RNF19A: variants seen among roughly 807,000 people sequenced by gnomAD.
RNF19A encodes the protein ring finger protein 19A, RBR E3 ubiquitin protein ligase.
RNF19A carries 32 observed loss-of-function variants against 75.7 expected under a neutral mutation model. The ratio of observed to expected loss-of-function variants is 0.42; its 90% CI spans 0.32 to 0.57. The LOEUF (loss-of-function observed/expected upper bound fraction) is 0.57, where lower values mean the gene tolerates loss of function less well. Ranked by LOEUF, RNF19A falls within the 20% of genes least tolerant of loss-of-function variation. The pLI, the probability that RNF19A is intolerant of heterozygous loss-of-function variation, is 0.10. For missense variants in RNF19A, 782 were observed against 1,036.3 expected, an observed-to-expected ratio of 0.75 and a Z score of 3.37; for synonymous variants, 335 against 345.2, an observed-to-expected ratio of 0.97 and a Z score of 0.33.
At chr8:100,290,515 C>T (rs760005660) in intron 1 of RNF19A, among the ~76,000 whole-genome samples, 20 of 152,092 alleles carry the variant, frequency 1.3e-4, no homozygotes, top group Admixed American at 6.5e-4. Context: ...GTGTTTTTTT[C>T]CTCCTATGGC....
Position 100,278,493 on chromosome 8 carries a change from C to CTT in RNF19A, c.675-3333_675-3332insAA, listed in dbSNP as rs541041765. Reference sequence around the variant, plus strand: ...TAAAATGCTATAATCTTTGTGATGACTGTAAAAGCCAAATTTAGGTACATG... The same window carrying CTT: ...TAAAATGCTATAATCTTTGTGATGACTTTGTAAAAGCCAAATTTAGGTACATG... On this transcript the variant is annotated intron_variant, in intron 2 of 9. Transcript: ENST00000341084. Among the ~76,000 whole-genome samples the CTT allele has an allele frequency of 1.6e-4, 24 of 152,184 alleles. No homozygotes were observed. In the East Asian group the frequency reaches 4.4e-3, roughly 28 times the overall value.
rs929697483 is a variant in RNF19A at position 100,287,634 on chromosome 8, C to T, written c.541G>A (p.Glu181Lys). The part of the protein sequence containing the change: ...RVNISCPECT[E>K]RFNPHDIRLI... ...CGAATATCATGGGGATTAAACCGTT[C>T]AGTACATTCTGGGCAACTAATATTA... The change falls in exon 2 of 10, where the codon GAA becomes AAA. Residue 181 changes from glutamate to lysine, a missense_variant. By Grantham distance (56) the Glu-to-Lys change is moderately conservative. Transcript: ENST00000341084. This position sits in a 1 kb window ranked among gnomAD's most constrained non-coding sequence, Gnocchi z 4.1. 1 of 1,614,088 alleles carries T rather than the reference C, an allele frequency of 6.2e-7. No homozygotes were observed. The highest frequency in any genetic ancestry group is 8.5e-7 in the Non-Finnish European group (1 of 1,179,994).
At position 100,333,330 on chromosome 8, in the gene RNF19A, T is replaced by C. The variant is rs1822633912; in HGVS notation, c.-243+2778A>G. On this transcript the variant is annotated intron_variant, in intron 1 of 3. Transcript: ENST00000519527. The surrounding 1 kb of genome is among the most constrained non-coding windows in gnomAD (Gnocchi z 4.7). ...AACAATTACCCAGTCTGAGGTATTA[T>C]ATTATAGCAGCACAAAATGGACTAA... 6.6e-6 allele frequency among the ~76,000 whole-genome samples: 1 copy of C among 152,232 alleles called. No individual in the cohort carries two copies. Among genetic ancestry groups the C allele is most frequent in the Non-Finnish European group, 1.5e-5 (1 of 68,048 alleles).
In RNF19A at chr8:100,260,045, T is replaced by A; in HGVS notation, c.1683-48A>T. 1 of 1,478,572 alleles carries A rather than the reference T, an allele frequency of 6.8e-7. No homozygotes were observed. The highest frequency in any genetic ancestry group is 9.4e-7 in the Non-Finnish European group (1 of 1,062,224). 91.6% of individuals were successfully genotyped at this position (1,478,572 alleles called of 1,614,324 possible). A position where few individuals can be genotyped will look rare whatever the true frequency, so the allele number is the denominator to read the frequency against. On this transcript the variant is annotated intron_variant, in intron 8 of 9. Coordinates refer to ENST00000341084, the MANE Select transcript of RNF19A (RefSeq NM_183419.4). The surrounding 1 kb of genome is among the most constrained non-coding windows in gnomAD (Gnocchi z 4.1). The stretch of plus-strand genomic sequence containing the variant: ...CCAAAATTATATTTAATATCAGCAC[T>A]ACTGTAATATGTATCTTTAAATAAT...
At position 100,264,774 on chromosome 8, in the gene RNF19A, G is replaced by A. The variant is rs1819892396; in HGVS notation, c.1203C>T (p.Arg401=). Reference sequence around the variant, plus strand: ...GCTTTGAAACATCCTTGCCTTCATAGCGATTGTGAATCTTGAATTAATAAA... The same window carrying A: ...GCTTTGAAACATCCTTGCCTTCATAACGATTGTGAATCTTGAATTAATAAA... The part of the protein sequence containing the change: ...PVYVGRKIHN[R]YEGKDVSKHK... The change falls in exon 6 of 10, where the codon CGC becomes CGT. Residue 401 remains arginine (R), a synonymous_variant. Coordinates refer to ENST00000341084, the MANE Select transcript of RNF19A (RefSeq NM_183419.4). This position sits in a 1 kb window ranked among gnomAD's most constrained non-coding sequence, Gnocchi z 4.7. 5 of 1,612,378 alleles carry A rather than the reference G, an allele frequency of 3.1e-6. No individual in the cohort carries two copies. Among genetic ancestry groups the A allele is most frequent in the Non-Finnish European group, 4.2e-6 (5 of 1,178,614 alleles).
intron 2 of RNF19A, among the ~76,000 whole-genome samples, chr8:100,282,508 T>C: frequency 6.7e-6 from 1 of 149,944 alleles, no homozygotes; most frequent in Non-Finnish European, 1.5e-5. Flanking sequence ...AGCTATTAAC[T>C]CTTATAATAT....
intron 1 of RNF19A, among the ~76,000 whole-genome samples, chr8:100,295,481 T>A (rs1821512165): frequency 6.6e-6 from 1 of 152,170 alleles, no homozygotes; most frequent in Admixed American, 6.5e-5. Flanking sequence ...TATTAGCAGA[T>A]AAAAGGTGGG....
At chr8:100,319,222 G>A (rs1291525317) in intron 1 of RNF19A, among the ~76,000 whole-genome samples, 3 of 152,066 alleles carry the variant, frequency 2.0e-5, no homozygotes, top group South Asian at 4.1e-4. Flanking sequence ...AAATTTGTAA[G>A]CTAAAATTTT....
At chr8:100,292,056 T>C (rs1821323534) in intron 1 of RNF19A, among the ~76,000 whole-genome samples, 1 of 146,594 alleles carries the variant, frequency 6.8e-6, no homozygotes, top group African/African-American at 2.5e-5. Context: ...ACTTGGTCAC[T>C]ACAGAAGCTT....
intron 1 of RNF19A, among the ~76,000 whole-genome samples, chr8:100,328,941 G>T (rs1231488762): frequency 1.3e-5 from 2 of 152,170 alleles, no homozygotes; most frequent in Non-Finnish European, 2.9e-5. Flanking sequence ...AAGGGCTTCA[G>T]TTCCACTAAG....
chr8:100,259,980 T>A lies in RNF19A; in HGVS notation c.1700A>T (p.Asp567Val). 6.2e-7 allele frequency: 1 copy of A among 1,613,810 alleles called. No individual in the cohort carries two copies. The highest frequency in any genetic ancestry group is 8.5e-7 in the Non-Finnish European group (1 of 1,179,792). ...TAGACTGTACCGTTCTTTCTGTACA[T>A]CTGCTTGTACTTCCAACCTTAAAGG... ...NCFNRLEVQA[D>V]VQKERYSLSG... The change falls in exon 9 of 10, where the codon GAT (aspartate) becomes GTT (valine). Residue 567 changes from aspartate to valine, a missense_variant. Transcript: ENST00000341084. The surrounding 1 kb of genome is among the most constrained non-coding windows in gnomAD (Gnocchi z 4.5).
chr8:100,272,717 T>G (rs905853654), intron 3 of RNF19A, among the ~76,000 whole-genome samples: 5 of 151,312 alleles, frequency 3.3e-5, no homozygotes, highest in Non-Finnish European at 7.4e-5. Flanking sequence ...CTAATTTTTG[T>G]ATTTTTAGTA....
At chr8:100,327,206 TG>T (rs1822545386) in intron 1 of RNF19A, among the ~76,000 whole-genome samples, 1 of 151,936 alleles carries the variant, frequency 6.6e-6, no homozygotes, top group African/African-American at 2.4e-5. Context: ...GAAGAGTGTT[TG>T]AGTATCTAGG....
chr8:100,317,528 C>A lies in RNF19A; in HGVS notation c.-242-4156G>T, dbSNP rs1822401747. On this transcript the variant is annotated intron_variant, in intron 1 of 3. Coordinates refer to the RNF19A transcript ENST00000519527. The surrounding 1 kb of genome is among the most constrained non-coding windows in gnomAD (Gnocchi z 4.3). ...CCTCCCACCCATTCTTCTGACATAT[C>A]CCCAAAGGTCTTCTTGATGGATTCT... Among the ~76,000 whole-genome samples, 1 of 152,204 alleles carries A rather than the reference C, an allele frequency of 6.6e-6. No individual in the cohort carries two copies. Among genetic ancestry groups the A allele is most frequent in the Admixed American group, 6.5e-5 (1 of 15,282 alleles).
At chr8:100,327,245 C>CTTTTTTTTTTTTTT (rs71303441) in intron 1 of RNF19A, among the ~76,000 whole-genome samples, 2 of 75,836 alleles carry the variant, frequency 2.6e-5, no homozygotes, top group East Asian at 4.0e-4. Context: ...GCAATTACTT[C>CTTTTTTTTTTTTTT]TTTTTTTTTT....
chr8:100,265,130 TG>T (rs1210388038), intron 5 of RNF19A, among the ~76,000 whole-genome samples: 3 of 152,244 alleles, frequency 2.0e-5, no homozygotes, highest in African/African-American at 7.2e-5. Flanking sequence ...ATGAGTTACA[TG>T]GTTCACCAAC....
chr8:100,280,406 T>C (rs1301972742), intron 2 of RNF19A, among the ~76,000 whole-genome samples: 1 of 152,148 alleles, frequency 6.6e-6, no homozygotes, highest in Non-Finnish European at 1.5e-5. Flanking sequence ...CAGGTAGGGT[T>C]ACGGGGGTAG....
At chr8:100,280,237 C>T (rs1820718888) in intron 2 of RNF19A, among the ~76,000 whole-genome samples, 1 of 152,126 alleles carries the variant, frequency 6.6e-6, no homozygotes, top group African/African-American at 2.4e-5. Context: ...GTTCATCATA[C>T]TATGACGGAG....
rs1022461454 is a variant in RNF19A, at chr8:100,324,464, C to G, written c.-242-11092G>C. Among the ~76,000 whole-genome samples the G allele has an allele frequency of 5.3e-5, 8 of 152,242 alleles. No homozygotes were observed. Among genetic ancestry groups the G allele is most frequent in the Admixed American group, 5.2e-4 (8 of 15,292 alleles). On this transcript the variant is annotated intron_variant, in intron 1 of 3. Transcript: ENST00000519527. The surrounding 1 kb of genome is among the most constrained non-coding windows in gnomAD (Gnocchi z 4.2). Reference sequence around the variant, plus strand: ...GTGGAATTCTTGTTTTTCTTTAAAACAAACAATGGATTCCCTTGAAATACT... The same window carrying G: ...GTGGAATTCTTGTTTTTCTTTAAAAGAAACAATGGATTCCCTTGAAATACT...
Sources: gnomAD v4.1 joint callset for allele counts (sites outside exome capture counted in the v4.1 genomes callset) on GRCh38, gnomAD v4.1.1 for gene constraint, Gnocchi (gnomAD v3.1) non-coding constraint, MANE v1.5 for transcripts, NCBI Gene and HGNC (gene_info 2026-07-23, HGNC 2026-07-21) for gene names.